Variants in SLC38A4 observed in about 807,000 individuals in gnomAD.
SLC38A4 encodes sodium-coupled neutral amino acid transporter 4.
Under a neutral mutation model 63.1 loss-of-function variants are expected in SLC38A4, and 20 were observed. The observed-to-expected ratio is 0.32, with a 90% CI of 0.22 to 0.46. The LOEUF (loss-of-function observed/expected upper bound fraction) is 0.46. SLC38A4 is among the 20% of genes least tolerant of loss of function. The pLI is 1.00. For synonymous variants in SLC38A4, 230 were observed against 225.5 expected (o/e 1.02, Z -0.18); for missense variants, 526 against 663.6 (o/e 0.79, Z 2.28).
intron 5 of SLC38A4, 139 bp from the exon 6 acceptor site, chr12:46,785,316 G>T: frequency 1.5e-6 from 1 of 674,902 alleles, no homozygotes. Flanking sequence ...GGGAGGCTGA[G>T]AAATTCTTTT....
intron 1 of SLC38A4, among the ~76,000 whole-genome samples, chr12:46,813,283 T>C (rs1939376063): frequency 6.6e-6 from 1 of 152,074 alleles, no homozygotes; most frequent in Non-Finnish European, 1.5e-5. Flanking sequence ...TGTATTTATA[T>C]TTATTACAAA....
intron 2 of SLC38A4, among the ~76,000 whole-genome samples, chr12:46,796,900 G>A (rs78802502): frequency 0.065 from 9,898 of 152,008 alleles, 373 homozygotes; most frequent in South Asian, 0.14. Context: ...TGTCTTTATC[G>A]ACTTAACTTG....
At chr12:46,789,422 C>A (rs1938833973) in intron 3 of SLC38A4, among the ~76,000 whole-genome samples, 1 of 152,040 alleles carries the variant, frequency 6.6e-6, no homozygotes, top group African/African-American at 2.4e-5. Flanking sequence ...GGAAAGAAAA[C>A]TTTAAGATGT....
chr12:46,827,729 A>T (rs1039428522), upstream of SLC38A4, among the ~76,000 whole-genome samples: 1 of 152,136 alleles, frequency 6.6e-6, no homozygotes, highest in African/African-American at 2.4e-5. Context: ...AATTTTATCT[A>T]TGCTAAAATA....
chr12:46,766,446 A>T lies in SLC38A4; in HGVS notation c.*255T>A. The T allele has an allele frequency of 1.7e-6, 1 of 588,236 alleles. No homozygotes were observed. The allele number at this position is 588,236 out of a possible 1,614,324, so 36.4% of individuals were successfully genotyped here. A position where few individuals can be genotyped will look rare whatever the true frequency, so the allele number is the denominator to read the frequency against. ...CGTAAAGCAGCAAAAATACACCTTC[A>T]TCATCTCACACTGCTCTAGCAAAAC... is the stretch of plus-strand genomic sequence containing the variant. On this transcript the variant is annotated 3_prime_UTR_variant, in exon 17 of 17. Coordinates refer to ENST00000266579, the MANE Select transcript of SLC38A4 (RefSeq NM_018018.5).
rs763139454 is a variant in SLC38A4, at chr12:46,768,313, G to A, written c.1539C>T (p.Val513=). The A allele has an allele frequency of 2.2e-5, 35 of 1,606,386 alleles. No homozygotes were observed. The highest frequency in any genetic ancestry group is 4.0e-5 in the African/African-American group (3 of 74,604). The change falls in exon 16 of 17, where the codon GTC becomes GTT. Residue 513 remains valine (V), a synonymous_variant. Coordinates refer to ENST00000266579, the MANE Select transcript of SLC38A4 (RefSeq NM_018018.5). The part of the protein sequence containing the change: ...KKETFRSPQK[V]GALIFLVVGI... ...GGAAATTGCAAGGTTTACTTACCCC[G>A]ACCTTTTGGGGTGACCTAAAAGTTT...
At chr12:46,818,276 T>C (rs1939479211) in intron 1 of SLC38A4, among the ~76,000 whole-genome samples, 1 of 151,786 alleles carries the variant, frequency 6.6e-6, no homozygotes, top group Admixed American at 6.6e-5. Flanking sequence ...CACACTAGAG[T>C]CTTAAGAGAA....
At chr12:46,780,776 A>G (rs1191641776) in intron 7 of SLC38A4, among the ~76,000 whole-genome samples, 1 of 151,950 alleles carries the variant, frequency 6.6e-6, no homozygotes, top group Non-Finnish European at 1.5e-5. Context: ...ATGAATATGT[A>G]TTCATATACA....
intron 4 of SLC38A4, 55 bp from the exon 5 acceptor site, chr12:46,788,086 A>T (rs1216800007): frequency 1.5e-6 from 2 of 1,320,998 alleles, no homozygotes; most frequent in Non-Finnish European, 2.2e-6. Context: ...GCATACCTTT[A>T]GGGGTTATCC....
chr12:46,775,018 G>C (rs897636211), intron 14 of SLC38A4, 31 bp downstream of exon 14: 1 of 1,607,882 alleles, frequency 6.2e-7, no homozygotes, highest in Non-Finnish European at 8.5e-7. Context: ...GGGTCAAGTA[G>C]GTTTCTTTCA....
chr12:46,809,637 G>A (rs1259545897), intron 1 of SLC38A4, among the ~76,000 whole-genome samples: 1 of 152,070 alleles, frequency 6.6e-6, no homozygotes, highest in African/African-American at 2.4e-5. Flanking sequence ...GGTTGCTTTA[G>A]TTAGGAATTA....
rs146335856 is a variant in SLC38A4, at chr12:46,780,154, T to C, written c.494-124A>G. ...CCCCAAATGGAAAAAAAAGTCATTG[T>C]GTATTTGGCACTGCTTCCAAGTTCT... On this transcript the variant is annotated intron_variant, in intron 7 of 16. Coordinates refer to ENST00000266579, the MANE Select transcript of SLC38A4 (RefSeq NM_018018.5). 1,003 of 733,452 alleles carry C rather than the reference T, an allele frequency of 1.4e-3. 9 individuals carry two copies. The African/African-American group carries it at 0.015, about 11-fold the overall frequency. 45.4% of individuals were successfully genotyped at this position (733,452 alleles called of 1,614,324 possible). A position where few individuals can be genotyped will look rare whatever the true frequency, so the allele number is the denominator to read the frequency against.
intron 12 of SLC38A4, among the ~76,000 whole-genome samples, chr12:46,777,399 A>T (rs1938551481): frequency 6.6e-6 from 1 of 152,010 alleles, no homozygotes; most frequent in South Asian, 2.1e-4. Flanking sequence ...TACTACTGCC[A>T]GGAGTCCAGA....
At chr12:46,812,595 G>T (rs1939362715) in intron 1 of SLC38A4, among the ~76,000 whole-genome samples, 1 of 151,958 alleles carries the variant, frequency 6.6e-6, no homozygotes. Flanking sequence ...AGTTCCTAGG[G>T]TGACAATAGA....
At chr12:46,800,445 C>T (rs748472353) in intron 2 of SLC38A4, among the ~76,000 whole-genome samples, 3 of 151,990 alleles carry the variant, frequency 2.0e-5, no homozygotes, top group Non-Finnish European at 4.4e-5. Context: ...TCTTTCATTT[C>T]CCCACTGCCA....
chr12:46,804,906 C>T (rs1312265428), intron 1 of SLC38A4, among the ~76,000 whole-genome samples: 1 of 151,856 alleles, frequency 6.6e-6, no homozygotes, highest in Non-Finnish European at 1.5e-5. Context: ...TTTCTATTTC[C>T]ATCATTTAAT....
intron 5 of SLC38A4, among the ~76,000 whole-genome samples, chr12:46,785,942 A>T (rs534761594): frequency 1.2e-4 from 18 of 151,868 alleles, no homozygotes; most frequent in Non-Finnish European, 1.9e-4. Flanking sequence ...TCAGAAAAAA[A>T]ATCTTTATCT....
At chr12:46,794,346 A>C (rs1174559798) in intron 2 of SLC38A4, among the ~76,000 whole-genome samples, 1 of 152,184 alleles carries the variant, frequency 6.6e-6, no homozygotes, top group Non-Finnish European at 1.5e-5. Context: ...CAGTAGGCAC[A>C]AGAAATGATA....
At chr12:46,830,792 C>T (rs1446504461), upstream of SLC38A4, among the ~76,000 whole-genome samples, 1 of 152,200 alleles carries the variant, frequency 6.6e-6, no homozygotes, top group Non-Finnish European at 1.5e-5. Flanking sequence ...TCACACTGTG[C>T]ATTTAAGACC....
Sources: gnomAD v4.1 joint callset for allele counts (sites outside exome capture counted in the v4.1 genomes callset) on GRCh38, gnomAD v4.1.1 for gene constraint, MANE v1.5 for transcripts, NCBI Gene and HGNC (gene_info 2026-07-23, HGNC 2026-07-21) for gene names.